GFM2: variants seen among roughly 807,000 people sequenced by gnomAD.
The protein encoded by GFM2 is GTP dependent ribosome recycling factor mitochondrial 2.
In GFM2, 72 loss-of-function variants were observed where a neutral mutation model predicts 95.4. The ratio of observed to expected loss-of-function variants is 0.76; its 90% CI spans 0.62 to 0.92. The LOEUF (loss-of-function observed/expected upper bound fraction) is 0.92, where lower values mean the gene tolerates loss of function less well. GFM2 is among the 40% of genes least tolerant of loss of function. GFM2 has a pLI of 0.00. For missense variants in GFM2, 825 were observed against 924.1 expected (o/e 0.89, Z 1.39); for synonymous variants, 276 against 317.5 (o/e 0.87, Z 1.39).
chr5:74,765,820 A>C (rs1332070084), intron 1 of GFM2, among the ~76,000 whole-genome samples: 1 of 151,796 alleles, frequency 6.6e-6, no homozygotes, highest in Non-Finnish European at 1.5e-5. Flanking sequence ...AACATGGTGA[A>C]ACCCCATCTC....
chr5:74,754,242 T>G (rs1424546162), intron 5 of GFM2, among the ~76,000 whole-genome samples: 1 of 140,968 alleles, frequency 7.1e-6, no homozygotes, highest in African/African-American at 2.6e-5. Flanking sequence ...ATCCTCAAAA[T>G]ACACCAAAAT....
At chr5:74,759,268 G>GCGAGACTCCGTCTCAAAAAAAAAAAAA (rs1561263191) in intron 4 of GFM2, 101 bp downstream of exon 4, 6 of 727,534 alleles carry the variant, frequency 8.2e-6, no homozygotes, top group African/African-American at 8.1e-5. Flanking sequence ...GGCTAGGGCA[G>GCGAGACTCCGTCTCAAAAAAAAAAAAA]AAAGTCATAG....
chr5:74,759,448 T>C, intron 3 of GFM2, 22 bp from the exon 4 acceptor site: 2 of 1,286,388 alleles, frequency 1.6e-6, no homozygotes, highest in East Asian at 2.3e-5. Flanking sequence ...AAAGTTAAAA[T>C]TGAACTGTTA....
chr5:74,740,005 G>A lies in GFM2; in HGVS notation c.1063C>T (p.Arg355Cys), dbSNP rs770257461. ...CATACTTACAGAAATTCATAGTTAC[G>A]CTCTTCAGGTGAAGGTAAGTACATA... ...VTMYLPSPEE[R>C]NYEFLQWYKD... The change falls in exon 12 of 21, where the codon CGT becomes TGT. Residue 355 changes from arginine to cysteine, a missense_variant. By Grantham distance (180) the Arg-to-Cys change is radical. Transcript: ENST00000296805. 78 of 1,548,836 alleles carry A rather than the reference G, an allele frequency of 5.0e-5. No individual in the cohort carries two copies. The highest frequency in any genetic ancestry group is 9.4e-5 in the East Asian group (4 of 42,408).
At chr5:74,730,201 AATAGAGAAAGAAAGACAGAAAG>A in intron 17 of GFM2, 37 bp downstream of exon 17, 1 of 1,499,454 alleles carries the variant, frequency 6.7e-7, no homozygotes, top group South Asian at 1.3e-5. Context: ...TCAGCAACTA[AATAGAGAAAGAAAGACAGAAAG>A]AGAGAAAAAG....
intron 7 of GFM2, among the ~76,000 whole-genome samples, chr5:74,748,109 C>T (rs6881010): frequency 0.81 from 123,712 of 152,120 alleles, 50,608 homozygotes; most frequent in African/African-American, 0.9. Flanking sequence ...AGACCTACTT[C>T]TTGTTTGGCT....
intron 7 of GFM2, among the ~76,000 whole-genome samples, chr5:74,748,914 A>AAAATAAAAT (rs1561253774): frequency 0.023 from 2,567 of 111,308 alleles, 90 homozygotes; most frequent in African/African-American, 0.083. Context: ...TAAAATAAAA[A>AAAATAAAAT]AATAAAAAAA....
At chr5:74,749,351 T>A (rs1196616681) in intron 7 of GFM2, among the ~76,000 whole-genome samples, 1 of 152,170 alleles carries the variant, frequency 6.6e-6, no homozygotes, top group Non-Finnish European at 1.5e-5. Context: ...GTGTAAGATT[T>A]CTAGTTGCTC....
chr5:74,765,106 T>C (rs1387157896), intron 1 of GFM2: 7 of 1,257,662 alleles, frequency 5.6e-6, no homozygotes, highest in East Asian at 5.9e-5. Flanking sequence ...TCCCTTTTCA[T>C]TGGTAACGCC....
rs1580046050 is a variant in GFM2, at chr5:74,767,065, T to C, written c.-152A>G. ...CAGCCTAGGCAAAAGGCAATGTATC[T>C]AAACGAAAAGAAAATAGGCTTTCTC... On this transcript the variant is annotated 5_prime_UTR_variant, in exon 1 of 21. Coordinates refer to ENST00000296805, the MANE Select transcript of GFM2 (RefSeq NM_032380.5). 1 of 421,572 alleles carries C rather than the reference T, an allele frequency of 2.4e-6. No homozygotes were observed. Among genetic ancestry groups the C allele is most frequent in the East Asian group, 4.0e-5 (1 of 24,898 alleles). 26.1% of individuals were successfully genotyped at this position (421,572 alleles called of 1,614,324 possible). A position where few individuals can be genotyped will look rare whatever the true frequency, so the allele number is the denominator to read the frequency against.
intron 7 of GFM2, 132 bp downstream of exon 7, chr5:74,750,447 G>A (rs932845070): frequency 8.8e-6 from 5 of 565,570 alleles, no homozygotes; most frequent in African/African-American, 5.8e-5. Context: ...TATAAATTCT[G>A]ATTTCCTTTT....
chr5:74,758,924 C>A lies in GFM2; in HGVS notation c.229G>T (p.Ala77Ser), dbSNP rs772685304. 3.7e-6 allele frequency: 6 copies of A among 1,606,086 alleles called. No homozygotes were observed. Among genetic ancestry groups the A allele is most frequent in the Non-Finnish European group, 5.1e-6 (6 of 1,173,106 alleles). ...GTAGTTTTGCCTGCATCAATATGAG[C>A]CATAATTCCAATATTACGGATTCTG... is the stretch of plus-strand genomic sequence containing the variant. ...IAKIRNIGIM[A>S]HIDAGKTTTT... The change falls in exon 5 of 21, where the codon GCT becomes TCT. Residue 77 changes from alanine (A) to serine (S), a missense_variant. Coordinates refer to ENST00000296805, the MANE Select transcript of GFM2 (RefSeq NM_032380.5).
chr5:74,759,475 CT>C, intron 3 of GFM2, 49 bp from the exon 4 acceptor site: 1 of 991,596 alleles, frequency 1.0e-6, no homozygotes, highest in Non-Finnish European at 1.6e-6. Flanking sequence ...TGAAATTTTC[CT>C]TTAATTTATA....
At position 74,738,356 on chromosome 5, in the gene GFM2, T is replaced by C; in HGVS notation, c.1282A>G (p.Thr428Ala). ...ACAGTCAAAGCAATGTTACCAGCAG[T>C]CAATGAAGGGATTTCTACATGTTGG... is the stretch of plus-strand genomic sequence containing the variant. Reference protein sequence around the residue: ...ADQHVEIPSLTAGNIALTVGL... With the variant: ...ADQHVEIPSLAAGNIALTVGL... The change falls in exon 14 of 21, where the codon ACT (threonine) becomes GCT (alanine). Residue 428 changes from threonine (T) to alanine (A), a missense_variant. Thr to Ala is a moderately conservative substitution (Grantham distance 58). Coordinates refer to ENST00000296805, the MANE Select transcript of GFM2 (RefSeq NM_032380.5). 1 of 1,613,628 alleles carries C rather than the reference T, an allele frequency of 6.2e-7. No homozygotes were observed. The highest frequency in any genetic ancestry group is 1.1e-5 in the South Asian group (1 of 91,058).
chr5:74,742,670 C>T (rs1438499175), intron 10 of GFM2, among the ~76,000 whole-genome samples: 1 of 140,112 alleles, frequency 7.1e-6, no homozygotes, highest in Non-Finnish European at 1.5e-5. Context: ...TACCATTGTA[C>T]TCTTTTTTTT....
At chr5:74,723,640 A>C (rs910577589) in intron 19 of GFM2, among the ~76,000 whole-genome samples, 1 of 152,198 alleles carries the variant, frequency 6.6e-6, no homozygotes, top group East Asian at 1.9e-4. Context: ...AACAAAGTTC[A>C]AACTCTTTAA....
Position 74,736,784 on chromosome 5 carries a change from G to A in GFM2, c.1510+12C>T. Reference sequence around the variant, plus strand: ...GCGCACTAATTAGTTGACACACTAAGACCATTTATACCTGGCTGCTTAGAC... The same window carrying A: ...GCGCACTAATTAGTTGACACACTAAAACCATTTATACCTGGCTGCTTAGAC... On this transcript the variant is annotated intron_variant, in intron 15 of 20. Transcript: ENST00000296805. 6.2e-7 allele frequency: 1 copy of A among 1,613,596 alleles called. No individual in the cohort carries two copies. Among genetic ancestry groups the A allele is most frequent in the Non-Finnish European group, 8.5e-7 (1 of 1,179,568 alleles).
At chr5:74,750,841 G>A (rs951567669) in intron 6 of GFM2, among the ~76,000 whole-genome samples, 174 bp from the exon 7 acceptor site, 2 of 152,100 alleles carry the variant, frequency 1.3e-5, no homozygotes, top group Non-Finnish European at 2.9e-5. Flanking sequence ...AGCAGCACTG[G>A]TAGACAAAAG....
At chr5:74,744,393 G>GA (rs74544717) in intron 10 of GFM2, among the ~76,000 whole-genome samples, 11,351 of 148,142 alleles carry the variant, frequency 0.077, 608 homozygotes, top group East Asian at 0.17. Context: ...AAAGATAAGT[G>GA]AAAAAAAAAT....
Sources: allele counts gnomAD v4.1 joint callset (sites outside exome capture counted in the v4.1 genomes callset), GRCh38; gene constraint gnomAD v4.1.1; transcripts MANE v1.5; gene names NCBI Gene and HGNC (gene_info 2026-07-23, HGNC 2026-07-21).